Variants in NBEAL1 observed in about 807,000 individuals in gnomAD.
NBEAL1 encodes the protein neurobeachin like 1, also known as neurobeachin-like protein 1.
In NBEAL1, 273 loss-of-function variants were observed where a neutral mutation model predicts 351.3. The observed-to-expected ratio is 0.78, with a 90% CI of 0.70 to 0.86. NBEAL1 has a LOEUF of 0.86. Ranked by LOEUF, NBEAL1 falls within the 40% of genes least tolerant of loss-of-function variation. The pLI, the probability that NBEAL1 is intolerant of heterozygous loss-of-function variation, is 0.00. For missense variants in NBEAL1, 2,961 were observed against 3,201.3 expected (o/e 0.92, Z 1.81); for synonymous variants, 1,050 against 1,086.4 (o/e 0.97, Z 0.66).
chr2:203,132,203 C>T (rs542990238), intron 26 of NBEAL1, 71 bp downstream of exon 26: 970 of 943,602 alleles, frequency 1.0e-3, no homozygotes, highest in Non-Finnish European at 1.4e-3. Context: ...TCATACCTTT[C>T]TCAGGCTGCT....
Position 203,126,071 on chromosome 2 carries a change from C to T in NBEAL1, c.2963C>T (p.Thr988Ile). 1 of 1,543,798 alleles carries T rather than the reference C, an allele frequency of 6.5e-7. No individual in the cohort carries two copies. Among genetic ancestry groups the T allele is most frequent in the South Asian group, 1.2e-5 (1 of 81,894 alleles). Residue 988 changes from threonine to isoleucine, a missense_variant, in exon 21 of 56, where the codon ACT becomes ATT. Transcript: ENST00000683969. Reference protein sequence around the residue: ...GNLIHSHGVATLGALLQKVPS... With the variant: ...GNLIHSHGVAILGALLQKVPS... ...CTTATTCACTCCCATGGAGTTGCAA[C>T]TCTTGGTGCTTTACTTCAGAAGGTG...
chr2:203,166,133 C>T lies in NBEAL1; in HGVS notation c.5715-16C>T. 4 of 1,530,846 alleles carry T rather than the reference C, an allele frequency of 2.6e-6. No individual in the cohort carries two copies. The highest frequency in any genetic ancestry group is 3.5e-6 in the Non-Finnish European group (4 of 1,144,396). 94.8% of individuals were successfully genotyped at this position (1,530,846 alleles called of 1,614,324 possible). On this transcript the variant is annotated splice_polypyrimidine_tract_variant and intron_variant, in intron 36 of 55. Transcript: ENST00000683969. ...ATGGTTGAATTTTTCTGTTTATTGGCTTCTTGTTTTTACAGTGATGAGAAA... is the reference window on the plus strand; with the variant it reads ...ATGGTTGAATTTTTCTGTTTATTGGTTTCTTGTTTTTACAGTGATGAGAAA...
chr2:203,180,218 T>G (rs1397161131), intron 42 of NBEAL1, among the ~76,000 whole-genome samples, 164 bp from the exon 43 acceptor site: 2 of 152,184 alleles, frequency 1.3e-5, no homozygotes, highest in Non-Finnish European at 2.9e-5. Flanking sequence ...AGATAGAGAT[T>G]ATCATAATAA....
intron 10 of NBEAL1, among the ~76,000 whole-genome samples, chr2:203,096,671 G>C (rs962836935): frequency 3.3e-5 from 5 of 152,160 alleles, no homozygotes; most frequent in Admixed American, 2.0e-4. Context: ...CTCAATTCTT[G>C]ATGACTTTGG....
At chr2:203,050,019 AGTTG>A (rs1264825305) in intron 4 of NBEAL1, 44 bp downstream of exon 4, 1 of 1,525,818 alleles carries the variant, frequency 6.6e-7, no homozygotes, top group Admixed American at 2.0e-5. Context: ...CATAGGTGGG[AGTTG>A]AACAATGAGA....
chr2:203,077,882 G>A, intron 8 of NBEAL1, 45 bp downstream of exon 8: 1 of 1,085,662 alleles, frequency 9.2e-7, no homozygotes. Context: ...ATAATTAACA[G>A]TGCAAAAAGC....
chr2:203,209,671 T>C (rs976675917), intron 53 of NBEAL1, among the ~76,000 whole-genome samples: 3 of 151,876 alleles, frequency 2.0e-5, no homozygotes, highest in African/African-American at 7.3e-5. Context: ...CTCAATTTTA[T>C]GTTTGTTTCC....
At chr2:203,209,366 A>T in intron 53 of NBEAL1, 44 bp downstream of exon 53, 7 of 1,404,852 alleles carry the variant, frequency 5.0e-6, no homozygotes, top group Non-Finnish European at 7.0e-6. Flanking sequence ...CCAATAGCAT[A>T]TCTTTCCCTC....
rs1236251145 is a variant in NBEAL1, at chr2:203,219,856, T to G, written c.*2502T>G. The G allele has an allele frequency of 1.9e-5, 1 of 51,560 alleles. No individual in the cohort carries two copies. Among genetic ancestry groups the G allele is most frequent in the Non-Finnish European group, 5.3e-5 (1 of 18,720 alleles). The allele number at this position is 51,560 out of a possible 1,614,324, so 3.2% of individuals were successfully genotyped here. A position where few individuals can be genotyped will look rare whatever the true frequency, so the allele number is the denominator to read the frequency against. ...TTGGGCAACAGAGTGAGACTTTGTC[T>G]CAAAGAAAAGAAAAAAAATATGGAA... On this transcript the variant is annotated 3_prime_UTR_variant, in exon 56 of 56. Transcript: ENST00000683969.
intron 7 of NBEAL1, among the ~76,000 whole-genome samples, chr2:203,075,729 C>T (rs1229973227): frequency 6.6e-6 from 1 of 152,202 alleles, no homozygotes; most frequent in Non-Finnish European, 1.5e-5. Flanking sequence ...TTCCTCCTTT[C>T]CATGTAGCAG....
At chr2:203,042,473 T>C (rs2061157602) in intron 3 of NBEAL1, among the ~76,000 whole-genome samples, 1 of 152,230 alleles carries the variant, frequency 6.6e-6, no homozygotes, top group African/African-American at 2.4e-5. Context: ...GTCCAGAGTT[T>C]TATTGGAGTC....
At chr2:203,040,783 C>T in intron 2 of NBEAL1, 1 of 540,724 alleles carries the variant, frequency 1.8e-6, no homozygotes, top group South Asian at 1.6e-5. Context: ...GTAGTGTGAT[C>T]TTGGCTCACT....
intron 49 of NBEAL1, among the ~76,000 whole-genome samples, chr2:203,200,531 T>C (rs1162884538): frequency 7.8e-6 from 1 of 128,502 alleles, no homozygotes; most frequent in Non-Finnish European, 1.7e-5. Flanking sequence ...AAAATAAAAA[T>C]AAAAATACAA....
At chr2:203,055,884 C>T (rs1241092145) in intron 4 of NBEAL1, among the ~76,000 whole-genome samples, 1 of 152,112 alleles carries the variant, frequency 6.6e-6, no homozygotes, top group Non-Finnish European at 1.5e-5. Flanking sequence ...GATACTGTGC[C>T]GTCTTAGAGT....
chr2:203,119,217 C>A (rs72934550), intron 18 of NBEAL1, among the ~76,000 whole-genome samples: 13,899 of 150,638 alleles, frequency 0.092, 749 homozygotes, highest in Non-Finnish European at 0.13. Context: ...ACCTAGGTGG[C>A]CGTGCAGTGG....
At chr2:203,083,164 A>G in intron 8 of NBEAL1, 55 bp from the exon 9 acceptor site, 2 of 1,420,802 alleles carry the variant, frequency 1.4e-6, no homozygotes, top group Admixed American at 2.6e-5. Context: ...ATTATTGCAA[A>G]CATACACAAC....
Position 203,034,848 on chromosome 2 carries a change from T to C in NBEAL1, c.52-6917T>C, listed in dbSNP as rs201000544. ...AGATTAGTCACTTTTACAATGTTTC[T>C]GTGGGGGGAATTTATCTTCTTTTGG... On this transcript the variant is annotated intron_variant, in intron 2 of 55. Transcript: ENST00000683969. Among the ~76,000 whole-genome samples the C allele has an allele frequency of 1.1e-4, 17 of 148,464 alleles. No individual in the cohort carries two copies. In the East Asian group the frequency reaches 2.7e-3, roughly 24 times the overall value.
chr2:203,120,359 C>A (rs2062801755), intron 18 of NBEAL1, among the ~76,000 whole-genome samples: 2 of 152,044 alleles, frequency 1.3e-5, no homozygotes, highest in South Asian at 4.1e-4. Flanking sequence ...TAATTTATAT[C>A]CTTAACTAAT....
intron 48 of NBEAL1, among the ~76,000 whole-genome samples, chr2:203,199,065 C>T (rs752924592): frequency 6.6e-5 from 10 of 150,996 alleles, no homozygotes; most frequent in African/African-American, 9.7e-5. Context: ...GGCATGGTGG[C>T]GCATGCCTGA....
Sources: gnomAD v4.1 joint callset for allele counts (sites outside exome capture counted in the v4.1 genomes callset) on GRCh38, gnomAD v4.1.1 for gene constraint, MANE v1.5 for transcripts, NCBI Gene and HGNC (gene_info 2026-07-23, HGNC 2026-07-21) for gene names.